Variants in ZNF562 observed in about 807,000 individuals in gnomAD.
ZNF562 encodes zinc finger protein 562.
Under a neutral mutation model 17.5 loss-of-function variants are expected in ZNF562, and 13 were observed. That is an observed-to-expected ratio of 0.74 (90% confidence interval 0.48 to 1.18). The LOEUF (loss-of-function observed/expected upper bound fraction) is 1.18, where lower values mean the gene tolerates loss of function less well. Among genes scored for constraint, ZNF562 ranks in the 50% most tolerant of loss-of-function variants. ZNF562 has a pLI of 0.00. For synonymous variants in ZNF562, 163 were observed against 165.4 expected (o/e 0.99, Z 0.11); for missense variants, 481 against 498.5 (o/e 0.96, Z 0.33).
Position 9,646,459 on chromosome 19 carries a change from A to C in ZNF562, c.*6490T>G, listed in dbSNP as rs1352830569. The C allele has an allele frequency of 6.6e-6, 1 of 152,216 alleles. No individual in the cohort carries two copies. The highest frequency in any genetic ancestry group is 1.5e-5 in the Non-Finnish European group (1 of 68,038). 9.4% of individuals were successfully genotyped at this position (152,216 alleles called of 1,614,324 possible). On this transcript the variant is annotated 3_prime_UTR_variant, in exon 6 of 6. Transcript: ENST00000453372. ...TACAGAAAGACTAAGAAGTAGAGGA[A>C]AATCAAGCTGATGTAACTATATAAA...
At chr19:9,669,700 C>G (rs556225357) in intron 1 of ZNF562, among the ~76,000 whole-genome samples, 33 of 140,286 alleles carry the variant, frequency 2.4e-4, no homozygotes, top group African/African-American at 8.2e-4. Flanking sequence ...CAAGACCTGT[C>G]TGCATGCACG....
intron 1 of ZNF562, among the ~76,000 whole-genome samples, chr19:9,666,713 G>A (rs1326915639): frequency 6.6e-6 from 1 of 151,938 alleles, no homozygotes; most frequent in African/African-American, 2.4e-5. Flanking sequence ...AGAAACCACA[G>A]AAATACAACC....
At chr19:9,670,411 C>T (rs910667413) in intron 1 of ZNF562, among the ~76,000 whole-genome samples, 6 of 151,840 alleles carry the variant, frequency 4.0e-5, no homozygotes, top group Admixed American at 6.6e-5. Context: ...TCATAATAGC[C>T]AAAATATGGA....
chr19:9,667,565 A>C (rs1278501570), intron 1 of ZNF562, among the ~76,000 whole-genome samples: 1 of 152,130 alleles, frequency 6.6e-6, no homozygotes, highest in Non-Finnish European at 1.5e-5. Context: ...CTAAAAAAGA[A>C]GTCAAATTAG....
chr19:9,656,693 T>C, intron 4 of ZNF562, 40 bp from the exon 5 acceptor site: 1 of 1,583,960 alleles, frequency 6.3e-7, no homozygotes, highest in Non-Finnish European at 8.7e-7. Flanking sequence ...TTAAAATTAG[T>C]CATTTGTCCT....
chr19:9,670,012 A>C (rs2044126121), intron 1 of ZNF562, among the ~76,000 whole-genome samples: 2 of 152,278 alleles, frequency 1.3e-5, no homozygotes, highest in South Asian at 4.1e-4. Flanking sequence ...CAGTGAACCA[A>C]GATCGTGCCA....
intron 1 of ZNF562, among the ~76,000 whole-genome samples, chr19:9,669,579 C>CT (rs1211394709): frequency 3.3e-5 from 5 of 152,124 alleles, no homozygotes; most frequent in Non-Finnish European, 5.9e-5. Flanking sequence ...AATCCCAAAA[C>CT]TTGAGGCTGC....
chr19:9,669,434 T>C (rs2044064050), intron 1 of ZNF562, among the ~76,000 whole-genome samples: 2 of 152,200 alleles, frequency 1.3e-5, no homozygotes, highest in Admixed American at 1.3e-4. Context: ...AGAGTGGCTT[T>C]TATAAAAAAG....
At chr19:9,669,725 C>CGCGCGA (rs2044090559) in intron 1 of ZNF562, among the ~76,000 whole-genome samples, 1 of 83,024 alleles carries the variant, frequency 1.2e-5, no homozygotes. Context: ...CGAGCGCGCG[C>CGCGCGA]GCGCGCGCGC....
chr19:9,655,396 A>G (rs905567101), intron 5 of ZNF562, among the ~76,000 whole-genome samples: 1 of 152,372 alleles, frequency 6.6e-6, no homozygotes, highest in Admixed American at 6.5e-5. Context: ...GGTATGGAAC[A>G]TCAGAAAATT....
chr19:9,662,622 T>C (rs1441989861), intron 1 of ZNF562, among the ~76,000 whole-genome samples: 1 of 151,562 alleles, frequency 6.6e-6, no homozygotes, highest in African/African-American at 2.4e-5. Context: ...GGCTCACGCC[T>C]GTAATCCCAG....
intron 1 of ZNF562, among the ~76,000 whole-genome samples, 168 bp from the exon 2 acceptor site, chr19:9,661,042 A>C (rs1436457137): frequency 6.6e-6 from 1 of 152,210 alleles, no homozygotes; most frequent in Non-Finnish European, 1.5e-5. Context: ...TTTATTGAGG[A>C]CTAGTATGTC....
At chr19:9,673,214 G>C (rs1488742361) in intron 1 of ZNF562, among the ~76,000 whole-genome samples, 4 of 152,096 alleles carry the variant, frequency 2.6e-5, no homozygotes, top group African/African-American at 9.7e-5. Context: ...AGATTCTGCG[G>C]TCTGACCCTA....
In ZNF562 at chr19:9,661,722, G is replaced by A. The variant is rs142210438; in HGVS notation, c.-130-848C>T. On this transcript the variant is annotated intron_variant, in intron 1 of 5. Coordinates refer to ENST00000453372, the MANE Select transcript of ZNF562 (RefSeq NM_001130031.2). ...AGGAAGGAGAATCGCTTGACCCCGG[G>A]AGGTGGAGGTTGCAGTGAGCTGAGA... Among the ~76,000 whole-genome samples, 266 of 152,280 alleles carry A rather than the reference G, an allele frequency of 1.7e-3. 1 individual carries two copies. The highest frequency in any genetic ancestry group is 5.9e-3 in the African/African-American group (246 of 41,576).
chr19:9,665,316 C>G (rs1385656041), intron 1 of ZNF562, among the ~76,000 whole-genome samples: 1 of 152,080 alleles, frequency 6.6e-6, no homozygotes, highest in Non-Finnish European at 1.5e-5. Context: ...CCACAACACC[C>G]TTCTCCTTAA....
chr19:9,660,698 A>C (rs1301585077), intron 2 of ZNF562, 22 bp downstream of exon 2: 2 of 1,612,178 alleles, frequency 1.2e-6, no homozygotes, highest in Middle Eastern at 1.7e-4. Context: ...ATCTCTGAAA[A>C]AGAGCATCAA....
At chr19:9,665,884 C>T (rs1357988098) in intron 1 of ZNF562, among the ~76,000 whole-genome samples, 6 of 151,784 alleles carry the variant, frequency 4.0e-5, no homozygotes, top group Admixed American at 1.3e-4. Context: ...GGTGTGATGG[C>T]GTGCACCTCA....
In ZNF562 at chr19:9,653,330, G is replaced by C. The variant is rs2074902256; in HGVS notation, c.900C>G (p.Ser300=). 1.2e-6 allele frequency: 2 copies of C among 1,613,954 alleles called. No homozygotes were observed. Among genetic ancestry groups the C allele is most frequent in the African/African-American group, 1.3e-5 (1 of 75,008 alleles). ...TTTGAATGTGAACATTAAAGGATGA[G>C]GAATTTCTAAAGGATCTTCCACATT... is the stretch of plus-strand genomic sequence containing the variant. The part of the protein sequence containing the change: ...CKECGRSFRN[S]SSFNVHIQIH... Residue 300 remains serine, a synonymous_variant, in exon 6 of 6, where the codon TCC becomes TCG. Transcript: ENST00000453372.
chr19:9,660,811 A>G lies in ZNF562; in HGVS notation c.-67T>C, dbSNP rs1219153344. On this transcript the variant is annotated 5_prime_UTR_variant, in exon 2 of 6. Transcript: ENST00000453372. ...CTTGATGCCAAGATCGCCTCAGGGC[A>G]GCTTATGAATCTAGGTGGATACAGG... 10 of 1,572,372 alleles carry G rather than the reference A, an allele frequency of 6.4e-6. No individual in the cohort carries two copies. The highest frequency in any genetic ancestry group is 1.4e-5 in the African/African-American group (1 of 73,836).
Sources: allele counts gnomAD v4.1 joint callset (sites outside exome capture counted in the v4.1 genomes callset), GRCh38; gene constraint gnomAD v4.1.1; transcripts MANE v1.5; gene names NCBI Gene and HGNC (gene_info 2026-07-23, HGNC 2026-07-21).